ADAM10: variants seen among roughly 807,000 people sequenced by gnomAD.
ADAM10 encodes disintegrin and metalloproteinase domain-containing protein 10.
In ADAM10, 17 loss-of-function variants were observed where a neutral mutation model predicts 90.1. That is an observed-to-expected ratio of 0.19 (90% CI 0.13 to 0.28). The LOEUF (loss-of-function observed/expected upper bound fraction) is 0.28, where lower values mean the gene tolerates loss of function less well. Among genes scored for constraint, ADAM10 ranks in the 10% least tolerant of loss-of-function variants. ADAM10 has a pLI of 1.00. For synonymous variants in ADAM10, 310 were observed against 298.6 expected (o/e 1.04, Z -0.40); for missense variants, 610 against 914.3 (o/e 0.67, Z 4.29).
chr15:58,613,072 G>T (rs1030911854), intron 11 of ADAM10, among the ~76,000 whole-genome samples: 1 of 152,154 alleles, frequency 6.6e-6, no homozygotes, highest in Non-Finnish European at 1.5e-5. Flanking sequence ...TGGGAAAAAT[G>T]AGAATAGGAG....
intron 10 of ADAM10, 67 bp from the exon 11 acceptor site, chr15:58,621,688 A>T: frequency 6.3e-7 from 1 of 1,575,790 alleles, no homozygotes; most frequent in South Asian, 1.1e-5. Context: ...AAATTCACAA[A>T]TTCTTTAGAT....
chr15:58,714,904 G>A (rs899600175), intron 2 of ADAM10, among the ~76,000 whole-genome samples: 1 of 152,054 alleles, frequency 6.6e-6, no homozygotes, highest in Non-Finnish European at 1.5e-5. Context: ...CAGTCATTTT[G>A]TAGGCCTATT....
chr15:58,635,773 C>T (rs1428624949), intron 8 of ADAM10, among the ~76,000 whole-genome samples: 1 of 146,346 alleles, frequency 6.8e-6, no homozygotes, highest in Non-Finnish European at 1.5e-5. Context: ...AGACTCCACA[C>T]TTCAAATCTT....
chr15:58,619,176 G>A (rs1895706000), intron 11 of ADAM10, among the ~76,000 whole-genome samples: 1 of 152,092 alleles, frequency 6.6e-6, no homozygotes, highest in East Asian at 1.9e-4. Context: ...ACTGTCATGT[G>A]CAATAACATG....
At chr15:58,659,915 G>A (rs1896927725) in intron 5 of ADAM10, among the ~76,000 whole-genome samples, 2 of 152,154 alleles carry the variant, frequency 1.3e-5, no homozygotes, top group African/African-American at 4.8e-5. Context: ...TGGATTTTTA[G>A]TAGAGACAGG....
intron 5 of ADAM10, among the ~76,000 whole-genome samples, chr15:58,649,003 T>A (rs1415334055): frequency 6.6e-6 from 1 of 152,152 alleles, no homozygotes; most frequent in Non-Finnish European, 1.5e-5. Context: ...TTTGTTGCTG[T>A]TAAATCCAAT....
chr15:58,679,813 C>A (rs545305578), intron 3 of ADAM10, among the ~76,000 whole-genome samples: 36 of 152,212 alleles, frequency 2.4e-4, no homozygotes, highest in African/African-American at 8.7e-4. Context: ...GAGGCTGAGG[C>A]AGAAGAATCA....
chr15:58,683,377 C>T (rs1897496368), intron 2 of ADAM10, among the ~76,000 whole-genome samples: 1 of 152,110 alleles, frequency 6.6e-6, no homozygotes, highest in Admixed American at 6.5e-5. Context: ...GGGAAACATA[C>T]AGTCACTTCA....
At chr15:58,648,809 A>G (rs1475939548) in intron 5 of ADAM10, among the ~76,000 whole-genome samples, 1 of 152,052 alleles carries the variant, frequency 6.6e-6, no homozygotes, top group African/African-American at 2.4e-5. Context: ...GGAGAACTAA[A>G]CTTTTTATCA....
chr15:58,745,543 T>C (rs1481694079), intron 1 of ADAM10, among the ~76,000 whole-genome samples: 2 of 152,196 alleles, frequency 1.3e-5, no homozygotes, highest in East Asian at 1.9e-4. Flanking sequence ...TCTAATAACC[T>C]AATGCTGAAT....
At chr15:58,603,319 G>A (rs1294680430) in intron 14 of ADAM10, among the ~76,000 whole-genome samples, 2 of 152,160 alleles carry the variant, frequency 1.3e-5, no homozygotes, top group Non-Finnish European at 2.9e-5. Flanking sequence ...ACCATTTTGA[G>A]TAATGCAGAA....
At chr15:58,709,657 G>A (rs1320710334) in intron 2 of ADAM10, among the ~76,000 whole-genome samples, 1 of 151,964 alleles carries the variant, frequency 6.6e-6, no homozygotes, top group East Asian at 1.9e-4. Flanking sequence ...GGAGAATTGC[G>A]TGAACCCAGG....
intron 1 of ADAM10, among the ~76,000 whole-genome samples, chr15:58,722,361 AAAAT>A (rs1184522225): frequency 2.6e-5 from 4 of 151,742 alleles, no homozygotes; most frequent in South Asian, 2.1e-4. Context: ...ATAATAAGTA[AAAAT>A]AAATAAATAA....
At chr15:58,650,715 C>T (rs1480421570) in intron 5 of ADAM10, among the ~76,000 whole-genome samples, 1 of 152,064 alleles carries the variant, frequency 6.6e-6, no homozygotes, top group Non-Finnish European at 1.5e-5. Flanking sequence ...TGTTATCTTT[C>T]CAATGCCTTC....
chr15:58,676,174 G>A (rs77010994), intron 4 of ADAM10: 116 of 405,822 alleles, frequency 2.9e-4, no homozygotes, highest in African/African-American at 2.2e-3. Flanking sequence ...AATCCTTGAA[G>A]TAAAGGCAGT....
chr15:58,640,187 G>A (rs1159766502), intron 8 of ADAM10, among the ~76,000 whole-genome samples: 1 of 152,182 alleles, frequency 6.6e-6, no homozygotes, highest in African/African-American at 2.4e-5. Flanking sequence ...CAGAGACTCG[G>A]CAGAGTATGA....
At chr15:58,737,418 A>AC (rs1368696898) in intron 1 of ADAM10, among the ~76,000 whole-genome samples, 2 of 152,146 alleles carry the variant, frequency 1.3e-5, no homozygotes, top group Admixed American at 6.5e-5. Flanking sequence ...CAAATACTGT[A>AC]AGTACAAAGA....
intron 2 of ADAM10, among the ~76,000 whole-genome samples, chr15:58,688,533 T>G (rs756956530): frequency 1.4e-4 from 21 of 149,784 alleles, no homozygotes; most frequent in Non-Finnish European, 2.7e-4. Flanking sequence ...CCAAAAAAAG[T>G]GAGAATGAAT....
chr15:58,653,532 G>A (rs1235547154), intron 5 of ADAM10, among the ~76,000 whole-genome samples: 6 of 152,092 alleles, frequency 3.9e-5, no homozygotes, highest in Non-Finnish European at 7.4e-5. Flanking sequence ...ATTTGCATAC[G>A]TTGAACCATT....
Sources: gnomAD v4.1 joint callset for allele counts (sites outside exome capture counted in the v4.1 genomes callset) on GRCh38, gnomAD v4.1.1 for gene constraint, MANE v1.5 for transcripts, NCBI Gene and HGNC (gene_info 2026-07-23, HGNC 2026-07-21) for gene names.